The following CPLX4 variants were observed in gnomAD, a reference collection of about 807,000 sequenced individuals.
The protein encoded by CPLX4 is complexin-4.
A neutral mutation model predicts 16.1 loss-of-function variants in CPLX4; 17 were observed. The observed-to-expected ratio is 1.06, with a 90% CI of 0.72 to 1.59. CPLX4 has a LOEUF of 1.59. CPLX4 is among the 40% of genes most tolerant of loss of function. The pLI, the probability that CPLX4 is intolerant of heterozygous loss-of-function variation, is 0.00. For missense variants in CPLX4, 193 were observed against 192.9 expected (o/e 1.00, Z 0.00); for synonymous variants, 55 against 57.8 (o/e 0.95, Z 0.22).
chr18:59,299,231 T>C (rs1195545770), intron 2 of CPLX4, among the ~76,000 whole-genome samples: 1 of 152,262 alleles, frequency 6.6e-6, no homozygotes, highest in African/African-American at 2.4e-5. Context: ...CTTCTGGGAC[T>C]TTTTGCAGGA....
intron 2 of CPLX4, among the ~76,000 whole-genome samples, chr18:59,305,982 A>T (rs1047917203): frequency 6.6e-6 from 1 of 152,204 alleles, no homozygotes; most frequent in East Asian, 1.9e-4. Context: ...AGAGATCACC[A>T]GTGCTAGAAG....
intron 2 of CPLX4, among the ~76,000 whole-genome samples, chr18:59,303,888 C>T (rs1603391522): frequency 6.6e-6 from 1 of 152,220 alleles, no homozygotes; most frequent in Non-Finnish European, 1.5e-5. Flanking sequence ...ATGGCGGCTG[C>T]TGGGGCCTCT....
At chr18:59,310,204 A>G (rs9949101) in intron 2 of CPLX4, among the ~76,000 whole-genome samples, 16,726 of 149,456 alleles carry the variant, frequency 0.11, 1,335 homozygotes, top group African/African-American at 0.23. Flanking sequence ...ACTGTTATTT[A>G]TCAACATCCT....
chr18:59,296,636 TC>T lies in CPLX4; in HGVS notation c.*61del, dbSNP rs1445099981. 6 of 1,579,262 alleles carry T rather than the reference TC, an allele frequency of 3.8e-6. No homozygotes were observed. The African/African-American group carries it at 5.4e-5, about 14-fold the overall frequency. ...ATTAAAACATGTACTGCTTGAAACG[TC>T]CCACAAGAGAGTGGTCTTTTCCAAG... On this transcript the variant is annotated 3_prime_UTR_variant, in exon 3 of 3. Coordinates refer to ENST00000299721, the MANE Select transcript of CPLX4 (RefSeq NM_181654.4).
chr18:59,309,839 A>AAG (rs1324794292), intron 2 of CPLX4, among the ~76,000 whole-genome samples: 22 of 110,532 alleles, frequency 2.0e-4, no homozygotes, highest in African/African-American at 6.7e-4. Context: ...AAAAAAAAAA[A>AAG]AAAGAAAAAG....
chr18:59,307,704 C>G (rs956666395), intron 2 of CPLX4, among the ~76,000 whole-genome samples: 1 of 151,542 alleles, frequency 6.6e-6, no homozygotes, highest in South Asian at 2.1e-4. Context: ...CTTAATGAAG[C>G]ATCTAGGAGA....
At chr18:59,309,552 A>G (rs929912561) in intron 2 of CPLX4, among the ~76,000 whole-genome samples, 9 of 152,204 alleles carry the variant, frequency 5.9e-5, no homozygotes, top group African/African-American at 1.9e-4. Flanking sequence ...GGCCGGGCGC[A>G]GTGGCTCACG....
Position 59,296,923 on chromosome 18 carries a change from A to T in CPLX4, c.258T>A (p.Ser86Arg). Residue 86 changes from serine (S) to arginine (R), a missense_variant and splice_region_variant, in exon 3 of 3, where the codon AGT (serine) becomes AGA (arginine). Physicochemically the swap from Ser to Arg is moderately radical, Grantham distance 110 (BLOSUM62 -1). Coordinates refer to ENST00000299721, the MANE Select transcript of CPLX4 (RefSeq NM_181654.4). The stretch of plus-strand genomic sequence containing the variant: ...TCTGGATTTGATTCTCATCCATTTC[A>T]CTCTATGTGAAAAATAAATAGAGAT... ...HLREKYRLPKSEMDENQIQMA... is the reference protein window; with the variant it reads ...HLREKYRLPKREMDENQIQMA... The T allele has an allele frequency of 6.2e-7, 1 of 1,603,886 alleles. No homozygotes were observed.
chr18:59,309,278 A>G (rs144655848), intron 2 of CPLX4, among the ~76,000 whole-genome samples: 1 of 152,326 alleles, frequency 6.6e-6, no homozygotes, highest in African/African-American at 2.4e-5. Context: ...TACAAATGCA[A>G]CCAAATATAA....
intron 2 of CPLX4, among the ~76,000 whole-genome samples, chr18:59,300,064 G>T (rs770104550): frequency 6.6e-4 from 100 of 152,240 alleles, no homozygotes; most frequent in Non-Finnish European, 1.1e-3. Flanking sequence ...GGGCATGGTG[G>T]CTCAAGCCAG....
chr18:59,313,123 C>G (rs992781548), intron 1 of CPLX4, among the ~76,000 whole-genome samples: 3 of 152,170 alleles, frequency 2.0e-5, no homozygotes, highest in African/African-American at 7.2e-5. Flanking sequence ...ATGCAGCTTC[C>G]TGGGCCTGAT....
chr18:59,307,135 G>A (rs2070581981), intron 2 of CPLX4, among the ~76,000 whole-genome samples: 1 of 152,078 alleles, frequency 6.6e-6, no homozygotes, highest in African/African-American at 2.4e-5. Flanking sequence ...GAGGAGAAGG[G>A]GGCACGAAAA....
chr18:59,297,520 T>G (rs1164297520), intron 2 of CPLX4, among the ~76,000 whole-genome samples: 1 of 152,060 alleles, frequency 6.6e-6, no homozygotes, highest in Non-Finnish European at 1.5e-5. Flanking sequence ...CCTCAGGCGA[T>G]CCAACCACCC....
chr18:59,304,906 T>G (rs1391721119), intron 2 of CPLX4, among the ~76,000 whole-genome samples: 1 of 148,760 alleles, frequency 6.7e-6, no homozygotes, highest in East Asian at 2.0e-4. Flanking sequence ...CCCAATAACA[T>G]CCATTTACTC....
At chr18:59,313,476 A>C (rs920291646) in intron 1 of CPLX4, among the ~76,000 whole-genome samples, 1 of 152,190 alleles carries the variant, frequency 6.6e-6, no homozygotes, top group African/African-American at 2.4e-5. Flanking sequence ...CGTTCTTGCT[A>C]ATGATGATTC....
Position 59,312,482 on chromosome 18 carries a change from A to G in CPLX4, c.255+203T>C, listed in dbSNP as rs1290493652. Among the ~76,000 whole-genome samples, 3 of 147,624 alleles carry G rather than the reference A, an allele frequency of 2.0e-5. No individual in the cohort carries two copies. In the Admixed American group the frequency reaches 2.0e-4, roughly 10 times the overall value. On this transcript the variant is annotated intron_variant, in intron 2 of 2. Coordinates refer to ENST00000299721, the MANE Select transcript of CPLX4 (RefSeq NM_181654.4). ...TCCTGAATATATATATATCCTGAAT[A>G]TGTGTATATATATATCCTGAATATA...
chr18:59,298,973 C>T (rs2070521515), intron 2 of CPLX4, among the ~76,000 whole-genome samples: 1 of 152,206 alleles, frequency 6.6e-6, no homozygotes, highest in Non-Finnish European at 1.5e-5. Context: ...GGACAGTCTT[C>T]ACCCAGGCCC....
chr18:59,301,463 C>T (rs2070540905), intron 2 of CPLX4, among the ~76,000 whole-genome samples: 1 of 152,222 alleles, frequency 6.6e-6, no homozygotes, highest in Non-Finnish European at 1.5e-5. Flanking sequence ...GGCCCTCCAC[C>T]AGAGCATGGC....
At chr18:59,308,112 C>T (rs939273604) in intron 2 of CPLX4, among the ~76,000 whole-genome samples, 1 of 152,032 alleles carries the variant, frequency 6.6e-6, no homozygotes, top group Non-Finnish European at 1.5e-5. Flanking sequence ...GGTTCCATTA[C>T]GGAGTTTCCT....
Sources: allele counts gnomAD v4.1 joint callset (sites outside exome capture counted in the v4.1 genomes callset), GRCh38; gene constraint gnomAD v4.1.1; transcripts MANE v1.5; gene names NCBI Gene and HGNC (gene_info 2026-07-23, HGNC 2026-07-21).